The following C1orf94 variants were observed in gnomAD, a reference collection of about 807,000 sequenced individuals.
The protein encoded by C1orf94 is uncharacterized protein C1orf94.
Under a neutral mutation model 53.6 loss-of-function variants are expected in C1orf94, and 45 were observed. That is an observed-to-expected ratio of 0.84 (90% confidence interval 0.66 to 1.08). The LOEUF is 1.08. Ranked by LOEUF, C1orf94 falls within the 50% of genes least tolerant of loss-of-function variation. The pLI, the probability that C1orf94 is intolerant of heterozygous loss-of-function variation, is 0.00. For missense variants in C1orf94, 762 were observed against 738.9 expected (o/e 1.03, Z -0.36); for synonymous variants, 304 against 296.1 (o/e 1.03, Z -0.27).
At position 34,197,958 on chromosome 1, in the gene C1orf94, G is replaced by C; in HGVS notation, c.1009+45G>C. On this transcript the variant is annotated intron_variant, in intron 2 of 6. Coordinates refer to ENST00000488417, the MANE Select transcript of C1orf94 (RefSeq NM_001134734.2). This position sits in a 1 kb window ranked among gnomAD's most constrained non-coding sequence, Gnocchi z 4.1. The stretch of plus-strand genomic sequence containing the variant: ...GGGTAGAGTGGGCCTGCAAGGAGGA[G>C]GTCCTTCCCAGGAAGCCAATCAGGG... 1 of 1,541,328 alleles carries C rather than the reference G, an allele frequency of 6.5e-7. No individual in the cohort carries two copies. The highest frequency in any genetic ancestry group is 8.8e-7 in the Non-Finnish European group (1 of 1,142,164).
At chr1:34,214,771 G>T (rs1642954663) in intron 6 of C1orf94, among the ~76,000 whole-genome samples, 1 of 152,146 alleles carries the variant, frequency 6.6e-6, no homozygotes, top group South Asian at 2.1e-4. Context: ...AGCAGCCTGA[G>T]AAGTGAGAGA....
intron 5 of C1orf94, among the ~76,000 whole-genome samples, chr1:34,209,456 A>G (rs2148622034): frequency 6.6e-6 from 1 of 152,056 alleles, no homozygotes; most frequent in African/African-American, 2.4e-5. Context: ...GGGTGTGAGG[A>G]AAGGAGCTTA....
intron 1 of C1orf94, among the ~76,000 whole-genome samples, chr1:34,191,616 C>T (rs1487525497): frequency 6.6e-6 from 1 of 152,216 alleles, no homozygotes; most frequent in East Asian, 1.9e-4. Flanking sequence ...CTCCACTTCA[C>T]TCTAATCCGC....
At chr1:34,210,218 A>AG (rs1642867139) in intron 5 of C1orf94, among the ~76,000 whole-genome samples, 1 of 152,176 alleles carries the variant, frequency 6.6e-6, no homozygotes, top group African/African-American at 2.4e-5. Flanking sequence ...CCATGAGGAC[A>AG]GGGGTACTTT....
chr1:34,193,872 G>A (rs566500048), intron 1 of C1orf94, among the ~76,000 whole-genome samples: 2 of 152,352 alleles, frequency 1.3e-5, no homozygotes, highest in African/African-American at 4.8e-5. Context: ...GCTCACAGCT[G>A]GGGCGGGCCC....
rs748765822 is a variant in C1orf94, at chr1:34,200,970, A to G, written c.1208A>G (p.Lys403Arg). The change falls in exon 3 of 7, where the codon AAG becomes AGG. Residue 403 changes from lysine to arginine, a missense_variant. Physicochemically the swap from Lys to Arg is conservative, Grantham distance 26. Coordinates refer to ENST00000488417, the MANE Select transcript of C1orf94 (RefSeq NM_001134734.2). Reference protein sequence around the residue: ...NLLYEFLGATKNPSGQPRLRN... With the variant: ...NLLYEFLGATRNPSGQPRLRN... ...CTCTATGAGTTCCTTGGGGCCACCA[A>G]GAACCCAAGCGGGCAGCCGAGACTT... The G allele has an allele frequency of 7.4e-6, 12 of 1,613,868 alleles. No homozygotes were observed. The highest frequency in any genetic ancestry group is 1.0e-5 in the Non-Finnish European group (12 of 1,179,922).
At chr1:34,188,136 G>T (rs752710241) in intron 1 of C1orf94, among the ~76,000 whole-genome samples, 2 of 152,090 alleles carry the variant, frequency 1.3e-5, no homozygotes, top group Non-Finnish European at 2.9e-5. Flanking sequence ...TTTCTCCAAG[G>T]GTGCTGAGGA....
intron 6 of C1orf94, among the ~76,000 whole-genome samples, chr1:34,217,511 T>A (rs1000245731): frequency 6.6e-6 from 1 of 152,046 alleles, no homozygotes; most frequent in African/African-American, 2.4e-5. Flanking sequence ...GAAACAGAGG[T>A]GGGGTTACCG....
At chr1:34,209,378 T>C (rs1241777415) in intron 5 of C1orf94, among the ~76,000 whole-genome samples, 1 of 134,658 alleles carries the variant, frequency 7.4e-6, no homozygotes, top group African/African-American at 2.9e-5. Context: ...GGAGCCTGTG[T>C]GCAGGCACAG....
rs1571334025 is a variant in C1orf94 at position 34,177,108 on chromosome 1, G to T, written c.-682G>T. Among the ~76,000 whole-genome samples the T allele has an allele frequency of 6.6e-6, 1 of 152,252 alleles. No individual in the cohort carries two copies. The highest frequency in any genetic ancestry group is 2.1e-4 in the South Asian group (1 of 4,838). On this transcript the variant is annotated 5_prime_UTR_variant, in exon 1 of 7. Transcript: ENST00000488417. ...CGCGGCTGGGGCAGGGGTCTGCTGG[G>T]GGCCGGGGACTAAGGGCTGTGGGCC... is the stretch of plus-strand genomic sequence containing the variant.
At position 34,212,240 on chromosome 1, in the gene C1orf94, C is replaced by G; in HGVS notation, c.1555C>G (p.Gln519Glu). 6.2e-7 allele frequency: 1 copy of G among 1,613,026 alleles called. No individual in the cohort carries two copies. The highest frequency in any genetic ancestry group is 8.5e-7 in the Non-Finnish European group (1 of 1,179,458). Reference sequence around the variant, plus strand: ...GCCATACAACCCACAGCAGATGGGACAGCAGATCTTCCGCTCTTCCTACAC... The same window carrying G: ...GCCATACAACCCACAGCAGATGGGAGAGCAGATCTTCCGCTCTTCCTACAC... ...VMPYNPQQMGQQIFRSSYTPL... is the reference protein window; with the variant it reads ...VMPYNPQQMGEQIFRSSYTPL... The change falls in exon 6 of 7, where the codon CAG becomes GAG. Residue 519 changes from glutamine to glutamate, a missense_variant. Physicochemically the swap from Gln to Glu is conservative, Grantham distance 29 (BLOSUM62 2). Coordinates refer to ENST00000488417, the MANE Select transcript of C1orf94 (RefSeq NM_001134734.2).
At chr1:34,199,262 G>A (rs1324192150) in intron 2 of C1orf94, among the ~76,000 whole-genome samples, 2 of 152,190 alleles carry the variant, frequency 1.3e-5, no homozygotes, top group Non-Finnish European at 1.5e-5. Flanking sequence ...AGATGTTTAA[G>A]GCATCTGTAA....
upstream of C1orf94, among the ~76,000 whole-genome samples, chr1:34,176,804 G>T (rs975581427): frequency 1.3e-5 from 2 of 152,268 alleles, no homozygotes; most frequent in South Asian, 4.1e-4. Context: ...GCGGCGGCGC[G>T]TTTGGCTTTG....
rs1382181428 is a variant in C1orf94 at position 34,178,024 on chromosome 1, G to A, written c.235G>A (p.Ala79Thr). The A allele has an allele frequency of 3.2e-6, 5 of 1,551,728 alleles. No individual in the cohort carries two copies. The South Asian group carries it at 5.9e-5, about 18-fold the overall frequency. Residue 79 changes from alanine to threonine, a missense_variant, in exon 1 of 7, where the codon GCC (alanine) becomes ACC (threonine). Transcript: ENST00000488417. ...IWKRVQGLPEASQPWTSMEQL... is the reference protein window; with the variant it reads ...IWKRVQGLPETSQPWTSMEQL... ...GAAGAGAGTTCAAGGCCTGCCTGAG[G>A]CCTCACAGCCCTGGACCTCCATGGA...
intron 1 of C1orf94, among the ~76,000 whole-genome samples, chr1:34,196,818 C>T (rs1006789859): frequency 6.6e-6 from 1 of 152,190 alleles, no homozygotes; most frequent in African/African-American, 2.4e-5. Flanking sequence ...AGACTCTGCA[C>T]TTAGAGCTGT....
intron 5 of C1orf94, among the ~76,000 whole-genome samples, chr1:34,211,959 C>G (rs933044303): frequency 6.6e-6 from 1 of 152,128 alleles, no homozygotes; most frequent in Non-Finnish European, 1.5e-5. Flanking sequence ...TCACCTGACT[C>G]TATCCCCACT....
At position 34,200,878 on chromosome 1, in the gene C1orf94, C is replaced by T. The variant is rs149791275; in HGVS notation, c.1116C>T (p.Asp372=). 1.4e-4 allele frequency: 223 copies of T among 1,614,124 alleles called. No homozygotes were observed. The highest frequency in any genetic ancestry group is 7.7e-5 in the South Asian group (7 of 91,074). Reference sequence around the variant, plus strand: ...CCTGTGGTGAGGAGGGTTGCTGTGACGCAGTGGGCACCGCATCACTGACCC... The same window carrying T: ...CCTGTGGTGAGGAGGGTTGCTGTGATGCAGTGGGCACCGCATCACTGACCC... ...KDACGEEGCC[D]AVGTASLTLP... is the part of the protein sequence containing the mutation. The change falls in exon 3 of 7, where the codon GAC becomes GAT. Residue 372 remains aspartate (D), a synonymous_variant. Coordinates refer to ENST00000488417, the MANE Select transcript of C1orf94 (RefSeq NM_001134734.2).
rs775448857 is a variant in C1orf94 at position 34,200,996 on chromosome 1, C to G, written c.1234C>G (p.Arg412Gly). The change falls in exon 3 of 7, where the codon CGA (arginine) becomes GGA (glycine). Residue 412 changes from arginine to glycine, a missense_variant. Transcript: ENST00000488417. ...TKNPSGQPRL[R>G]NKVEVDGPEL... ...GAACCCAAGCGGGCAGCCGAGACTTCGAAACAAAGTGGAAGTGGATGGGCC... is the reference window on the plus strand; with the variant it reads ...GAACCCAAGCGGGCAGCCGAGACTTGGAAACAAAGTGGAAGTGGATGGGCC... 1 of 1,609,694 alleles carries G rather than the reference C, an allele frequency of 6.2e-7. No homozygotes were observed. The highest frequency in any genetic ancestry group is 1.7e-5 in the Admixed American group (1 of 59,218).
intron 1 of C1orf94, among the ~76,000 whole-genome samples, chr1:34,178,750 T>C (rs913316626): frequency 2.0e-5 from 3 of 151,298 alleles, no homozygotes; most frequent in Non-Finnish European, 4.4e-5. Context: ...GTTGGGCAGA[T>C]ATTGTTGAGG....
Sources: gnomAD v4.1 joint callset for allele counts (sites outside exome capture counted in the v4.1 genomes callset) on GRCh38, gnomAD v4.1.1 for gene constraint, Gnocchi (gnomAD v3.1) non-coding constraint, MANE v1.5 for transcripts, NCBI Gene and HGNC (gene_info 2026-07-23, HGNC 2026-07-21) for gene names.